HIP1: variants seen among roughly 807,000 people sequenced by gnomAD.
HIP1 encodes the protein huntingtin-interacting protein 1.
In HIP1, 65 loss-of-function variants were observed where a neutral mutation model predicts 147.6. The ratio of observed to expected loss-of-function variants is 0.44; its 90% CI spans 0.36 to 0.54. The LOEUF is 0.54. Among genes scored for constraint, HIP1 ranks in the 20% least tolerant of loss-of-function variants. The pLI, the probability that HIP1 is intolerant of heterozygous loss-of-function variation, is 0.00. For synonymous variants in HIP1, 479 were observed against 504.0 expected (o/e 0.95, Z 0.67); for missense variants, 1,061 against 1,299.6 (o/e 0.82, Z 2.82).
At chr7:75,729,163 G>GA (rs532233329) in intron 1 of HIP1, among the ~76,000 whole-genome samples, 20,025 of 138,240 alleles carry the variant, frequency 0.14, 2,024 homozygotes, top group East Asian at 0.45. Context: ...ACTAGAACAG[G>GA]AAAAAAAAAA....
intron 22 of HIP1, 117 bp downstream of exon 22, chr7:75,553,336 G>A: frequency 7.8e-7 from 1 of 1,281,402 alleles, no homozygotes; most frequent in African/African-American, 1.5e-5. Context: ...TCTCTTTCTA[G>A]AATCAAGTTC....
At chr7:75,597,820 C>T (rs2117000029) in intron 2 of HIP1, among the ~76,000 whole-genome samples, 1 of 150,628 alleles carries the variant, frequency 6.6e-6, no homozygotes, top group South Asian at 2.1e-4. Flanking sequence ...GAGTTAAAAG[C>T]TTAGCCACCC....
At chr7:75,652,356 A>T (rs939532944) in intron 1 of HIP1, among the ~76,000 whole-genome samples, 8 of 149,608 alleles carry the variant, frequency 5.3e-5, no homozygotes, top group Non-Finnish European at 8.9e-5. Flanking sequence ...TAATTTTTTC[A>T]TTGTTTTAAG....
chr7:75,738,843 AGCGCCGACCCC>A lies in HIP1; in HGVS notation c.67_77del (p.Gly23TrpfsTer20), dbSNP rs1563322742. The stretch of plus-strand genomic sequence containing the variant: ...TCTCGCGCTCCGCCGCCTCCAGCCC[AGCGCCGACCCC>A]GCGCCGGCTCAGCACCTTGGGCAGT... On this transcript the variant is annotated frameshift_variant, in exon 1 of 31. Coordinates refer to ENST00000336926, the MANE Select transcript of HIP1 (RefSeq NM_005338.7). LOFTEE classifies it high-confidence loss of function. 2.5e-6 allele frequency: 4 copies of A among 1,594,544 alleles called. No individual in the cohort carries two copies. Among genetic ancestry groups the A allele is most frequent in the Non-Finnish European group, 3.4e-6 (4 of 1,172,552 alleles).
chr7:75,677,604 A>T (rs1253741164), intron 1 of HIP1, among the ~76,000 whole-genome samples: 5 of 12,454 alleles, frequency 4.0e-4, no homozygotes, highest in Non-Finnish European at 8.0e-4. Flanking sequence ...GACTCCATCT[A>T]AAAAAAAAAA....
At chr7:75,556,681 A>T (rs794368) in intron 17 of HIP1, 29 bp downstream of exon 17, 1 of 1,308,398 alleles carries the variant, frequency 7.6e-7, no homozygotes, top group South Asian at 1.2e-5. Context: ...AGAAGACTCT[A>T]TCTCCAAAAA....
Position 75,573,878 on chromosome 7 carries a change from G to A in HIP1, c.628C>T (p.Arg210Cys), listed in dbSNP as rs1017362740. 3 of 1,614,008 alleles carry A rather than the reference G, an allele frequency of 1.9e-6. No homozygotes were observed. Among genetic ancestry groups the A allele is most frequent in the Non-Finnish European group, 2.5e-6 (3 of 1,179,912 alleles). ...QTVFNSLDMSRSVSVTAAGQC... is the reference protein window; with the variant it reads ...QTVFNSLDMSCSVSVTAAGQC... ...CCTGCTGCCGTCACGGACACAGAGC[G>A]GGACATGTCCAGGGAGTTGAATACT... The change falls in exon 8 of 31, where the codon CGC (arginine) becomes TGC (cysteine). Residue 210 changes from arginine (R) to cysteine (C), a missense_variant. Coordinates refer to ENST00000336926, the MANE Select transcript of HIP1 (RefSeq NM_005338.7).
intron 1 of HIP1, among the ~76,000 whole-genome samples, chr7:75,658,782 C>G (rs1554513164): frequency 6.6e-6 from 1 of 151,994 alleles, no homozygotes; most frequent in Non-Finnish European, 1.5e-5. Context: ...ACCTGTAATC[C>G]TAGCTATTCA....
chr7:75,575,331 G>A (rs745970409), intron 7 of HIP1, among the ~76,000 whole-genome samples: 5 of 147,024 alleles, frequency 3.4e-5, no homozygotes, highest in Non-Finnish European at 7.5e-5. Context: ...GTGGTGGCGT[G>A]TGCCTGTAAA....
chr7:75,581,939 G>A (rs1796068227), intron 6 of HIP1, 136 bp downstream of exon 6: 1 of 668,770 alleles, frequency 1.5e-6, no homozygotes. Context: ...GTAGCCCCAA[G>A]GCCAAGTCAC....
chr7:75,663,947 T>C lies in HIP1; in HGVS notation c.121-64700A>G, dbSNP rs12531870. ...TTATGTATGTGTGTATATATATATA[T>C]ACACATATATGTGTATATATATATA... On this transcript the variant is annotated intron_variant, in intron 1 of 30. Transcript: ENST00000336926. Among the ~76,000 whole-genome samples, 12 of 104,444 alleles carry C rather than the reference T, an allele frequency of 1.1e-4. 1 individual carries two copies. The highest frequency in any genetic ancestry group is 0.013 in the Middle Eastern group (2 of 160). 68.5% of individuals were successfully genotyped at this position (104,444 alleles called of 152,430 possible).
intron 20 of HIP1, 98 bp from the exon 21 acceptor site, chr7:75,554,318 G>T: frequency 1.6e-6 from 2 of 1,281,946 alleles, no homozygotes; most frequent in Non-Finnish European, 2.2e-6. Flanking sequence ...TGCCTTTCTT[G>T]TATGAGTTGC....
chr7:75,653,852 C>T lies in HIP1; in HGVS notation c.121-54605G>A, dbSNP rs186284921. Among the ~76,000 whole-genome samples, 89 of 152,194 alleles carry T rather than the reference C, an allele frequency of 5.8e-4. 1 individual carries two copies. Among genetic ancestry groups the T allele is most frequent in the Admixed American group, 2.2e-3 (34 of 15,272 alleles). On this transcript the variant is annotated intron_variant, in intron 1 of 30. Coordinates refer to ENST00000336926, the MANE Select transcript of HIP1 (RefSeq NM_005338.7). ...CTGAATCCCTGCCTCCCGAGCTGTGCCTGGCATGGAGCAGACACTCAGTTA... is the reference window on the plus strand; with the variant it reads ...CTGAATCCCTGCCTCCCGAGCTGTGTCTGGCATGGAGCAGACACTCAGTTA...
At chr7:75,661,841 C>G (rs1799328236) in intron 1 of HIP1, among the ~76,000 whole-genome samples, 1 of 151,928 alleles carries the variant, frequency 6.6e-6, no homozygotes, top group Non-Finnish European at 1.5e-5. Flanking sequence ...AGGGATTTCT[C>G]TTTGGGAAAG....
intron 1 of HIP1, among the ~76,000 whole-genome samples, chr7:75,638,531 T>TAGA (rs1420269144): frequency 2.6e-5 from 4 of 152,082 alleles, no homozygotes; most frequent in African/African-American, 9.7e-5. Flanking sequence ...GTGGCCAACC[T>TAGA]AGAACCTTCC....
intron 1 of HIP1, among the ~76,000 whole-genome samples, chr7:75,694,749 A>C (rs1800581102): frequency 6.6e-6 from 1 of 150,770 alleles, no homozygotes; most frequent in African/African-American, 2.4e-5. Context: ...GCCTCAAGTG[A>C]TCCTCTCATC....
intron 1 of HIP1, among the ~76,000 whole-genome samples, chr7:75,691,433 G>C (rs747444705): frequency 6.6e-5 from 10 of 151,772 alleles, no homozygotes; most frequent in Non-Finnish European, 1.3e-4. Flanking sequence ...AGAGGTTGCA[G>C]TGAGCCAAGA....
Position 75,653,822 on chromosome 7 carries a change from C to T in HIP1, c.121-54575G>A, listed in dbSNP as rs114373866. Among the ~76,000 whole-genome samples, 537 of 152,234 alleles carry T rather than the reference C, an allele frequency of 3.5e-3. 2 individuals carry two copies. Among genetic ancestry groups the T allele is most frequent in the African/African-American group, 0.012 (487 of 41,548 alleles). On this transcript the variant is annotated intron_variant, in intron 1 of 30. Coordinates refer to ENST00000336926, the MANE Select transcript of HIP1 (RefSeq NM_005338.7). Reference sequence around the variant, plus strand: ...GGCCAAGGCCTTTGTCTTTCTTGTTCGTGGCTGAATCCCTGCCTCCCGAGC... The same window carrying T: ...GGCCAAGGCCTTTGTCTTTCTTGTTTGTGGCTGAATCCCTGCCTCCCGAGC...
At chr7:75,687,855 G>A (rs76282652) in intron 1 of HIP1, among the ~76,000 whole-genome samples, 15,859 of 151,778 alleles carry the variant, frequency 0.1, 962 homozygotes, top group African/African-American at 0.16. Context: ...TGAACCCTCC[G>A]TGTTCCCAGA....
Sources: allele counts gnomAD v4.1 joint callset (sites outside exome capture counted in the v4.1 genomes callset), GRCh38; gene constraint gnomAD v4.1.1; transcripts MANE v1.5; gene names NCBI Gene and HGNC (gene_info 2026-07-23, HGNC 2026-07-21).